Variants in CEP97 observed in about 807,000 individuals in gnomAD.
The protein encoded by CEP97 is centrosomal protein of 97 kDa.
A neutral mutation model predicts 73.1 loss-of-function variants in CEP97; 43 were observed. The observed-to-expected ratio is 0.59, with a 90% CI of 0.46 to 0.76. CEP97 has a LOEUF of 0.76. Ranked by LOEUF, CEP97 falls within the 30% of genes least tolerant of loss-of-function variation. CEP97 has a pLI of 0.00. For synonymous variants in CEP97, 337 were observed against 370.0 expected (o/e 0.91, Z 1.02); for missense variants, 939 against 1,014.0 (o/e 0.93, Z 1.00).
At chr3:101,737,220 G>C (rs964840461) in intron 6 of CEP97, among the ~76,000 whole-genome samples, 1 of 152,184 alleles carries the variant, frequency 6.6e-6, no homozygotes, top group African/African-American at 2.4e-5. Context: ...CGTTTTATTG[G>C]TGTACCTGAA....
At chr3:101,732,918 A>T in intron 6 of CEP97, among the ~76,000 whole-genome samples, 1 of 151,464 alleles carries the variant, frequency 6.6e-6, no homozygotes. Context: ...TGAGCCCAGG[A>T]GTTTGAGACC....
In CEP97 at chr3:101,758,119, CCTGAGTCAA is replaced by C. The variant is rs1463702760; in HGVS notation, c.1519_1527del (p.Ser507_Glu509del). On this transcript the variant is annotated inframe_deletion, in exon 9 of 11. Transcript: ENST00000341893. ...TGATAACCACAGTCTTACATTTTTTCCTGAGTCAACTGAGCAGAAACAATCAGACATAAA... is the reference window on the plus strand; with the variant it reads ...TGATAACCACAGTCTTACATTTTTTCCTGAGCAGAAACAATCAGACATAAA... The C allele has an allele frequency of 6.2e-7, 1 of 1,614,140 alleles. No homozygotes were observed. The highest frequency in any genetic ancestry group is 1.7e-5 in the Admixed American group (1 of 60,020).
chr3:101,751,429 C>T (rs900937452), intron 6 of CEP97, among the ~76,000 whole-genome samples: 1 of 152,110 alleles, frequency 6.6e-6, no homozygotes, highest in Non-Finnish European at 1.5e-5. Flanking sequence ...TCTATTAGGT[C>T]CGCTTGGTGC....
In CEP97 at chr3:101,757,204, A is replaced by C; in HGVS notation, c.1027+8A>C. 6.3e-7 allele frequency: 1 copy of C among 1,600,000 alleles called. No homozygotes were observed. Among genetic ancestry groups the C allele is most frequent in the Non-Finnish European group, 8.5e-7 (1 of 1,176,074 alleles). ...AGATATCCCAGGAAAGTGGTAAGAA[A>C]TGAATTTATCTCTGATCCCTTTTCT... On this transcript the variant is annotated splice_region_variant and intron_variant, in intron 8 of 10. Transcript: ENST00000341893.
chr3:101,734,731 T>A (rs182323664), intron 6 of CEP97, among the ~76,000 whole-genome samples: 1 of 152,348 alleles, frequency 6.6e-6, no homozygotes, highest in Admixed American at 6.5e-5. Flanking sequence ...TGACTAGTTC[T>A]AGATTTGGAA....
intron 6 of CEP97, among the ~76,000 whole-genome samples, chr3:101,748,294 A>G (rs1464406210): frequency 6.6e-6 from 1 of 151,656 alleles, no homozygotes; most frequent in Non-Finnish European, 1.5e-5. Flanking sequence ...TTTATTGATG[A>G]ATTCATGTGA....
intron 6 of CEP97, among the ~76,000 whole-genome samples, chr3:101,742,054 A>AAAC (rs1553789009): frequency 6.7e-6 from 1 of 149,042 alleles, no homozygotes. Context: ...AAAAAAAAAA[A>AAAC]CAAAAAAACA....
At position 101,750,350 on chromosome 3, in the gene CEP97, C is replaced by G. The variant is rs1183799302; in HGVS notation, c.729-5080C>G. 2.0e-5 allele frequency among the ~76,000 whole-genome samples: 3 copies of G among 151,062 alleles called. No homozygotes were observed. The Admixed American group carries it at 2.0e-4, about 10-fold the overall frequency. On this transcript the variant is annotated intron_variant, in intron 6 of 10. Coordinates refer to ENST00000341893, the MANE Select transcript of CEP97 (RefSeq NM_024548.4). The stretch of plus-strand genomic sequence containing the variant: ...GAGGGCTCTGTTCTGTTCCATTGAT[C>G]TATATCTCTGTTTTGGTACCAGTAC...
chr3:101,764,573 T>TG (rs1404561316), intron 10 of CEP97, among the ~76,000 whole-genome samples: 3 of 150,138 alleles, frequency 2.0e-5, no homozygotes, highest in Admixed American at 1.3e-4. Context: ...ATTGTGCCAT[T>TG]GCACTCCAGC....
intron 1 of CEP97, among the ~76,000 whole-genome samples, 169 bp downstream of exon 1, chr3:101,724,888 C>A (rs573895244): frequency 6.6e-6 from 1 of 152,240 alleles, no homozygotes; most frequent in Non-Finnish European, 1.5e-5. Context: ...GTTCACCTGC[C>A]GTTCCCAGCT....
At chr3:101,737,930 G>A (rs1337789148) in intron 6 of CEP97, among the ~76,000 whole-genome samples, 1 of 145,700 alleles carries the variant, frequency 6.9e-6, no homozygotes, top group Admixed American at 7.2e-5. Context: ...TTGGTGTGCT[G>A]CACTCAGGAG....
chr3:101,745,986 A>G (rs1938602305), intron 6 of CEP97, among the ~76,000 whole-genome samples: 1 of 151,934 alleles, frequency 6.6e-6, no homozygotes, highest in Non-Finnish European at 1.5e-5. Context: ...ATTCCCACCT[A>G]TGAGTGAGAA....
chr3:101,737,485 A>C (rs925185848), intron 6 of CEP97, among the ~76,000 whole-genome samples: 1 of 152,218 alleles, frequency 6.6e-6, no homozygotes, highest in Non-Finnish European at 1.5e-5. Flanking sequence ...ACTTAACAGC[A>C]GGTCTCTCTG....
intron 6 of CEP97, among the ~76,000 whole-genome samples, chr3:101,754,266 C>A (rs1388565783): frequency 6.6e-6 from 1 of 151,910 alleles, no homozygotes; most frequent in Non-Finnish European, 1.5e-5. Context: ...CATATCATTT[C>A]ACCTGTTAGT....
rs1937818304 is a variant in CEP97 at position 101,724,691 on chromosome 3, C to T, written c.15C>T (p.Arg5=). Residue 5 remains arginine (R), a synonymous_variant, in exon 1 of 11, where the codon CGC becomes CGT. Coordinates refer to ENST00000341893, the MANE Select transcript of CEP97 (RefSeq NM_024548.4). MAVA[R]VDAALPPGEG... is the part of the protein sequence containing the mutation. ...AAGCAGCAAATATGGCGGTGGCGCG[C>T]GTGGACGCGGCTTTGCCTCCCGGAG... is the stretch of plus-strand genomic sequence containing the variant. 3 of 1,614,086 alleles carry T rather than the reference C, an allele frequency of 1.9e-6. No individual in the cohort carries two copies. Among genetic ancestry groups the T allele is most frequent in the South Asian group, 2.2e-5 (2 of 91,082 alleles).
Position 101,732,503 on chromosome 3 carries a change from T to C in CEP97, c.577T>C (p.Ser193Pro). 1 of 1,607,660 alleles carries C rather than the reference T, an allele frequency of 6.2e-7. No homozygotes were observed. The highest frequency in any genetic ancestry group is 1.3e-5 in the African/African-American group (1 of 74,922). ...RDLNEISFLA[S>P]LTELEQLSIM... The stretch of plus-strand genomic sequence containing the variant: ...TTTGTTCCAGATCTCTTTTTTGGCA[T>C]CCTTAACTGAATTGGAACAGTTGTC... The change falls in exon 6 of 11, where the codon TCC becomes CCC. Residue 193 changes from serine (S) to proline (P), a missense_variant. Transcript: ENST00000341893.
At chr3:101,729,332 A>C (rs1200559936) in intron 4 of CEP97, among the ~76,000 whole-genome samples, 4 of 132,332 alleles carry the variant, frequency 3.0e-5, no homozygotes, top group Non-Finnish European at 3.3e-5. Flanking sequence ...AGTGAGACTC[A>C]GTCTCAAAAA....
Position 101,757,632 on chromosome 3 carries a change from A to G in CEP97, c.1028-2A>G. 1 of 1,610,814 alleles carries G rather than the reference A, an allele frequency of 6.2e-7. No individual in the cohort carries two copies. The highest frequency in any genetic ancestry group is 2.2e-5 in the East Asian group (1 of 44,852). ...TAAATGATACTCTGTTGATTCTTCT[A>G]GAACCCGTCATTCAAGTGAATTCTT... On this transcript the variant is annotated splice_acceptor_variant, in intron 8 of 10. Coordinates refer to ENST00000341893, the MANE Select transcript of CEP97 (RefSeq NM_024548.4). LOFTEE classifies it high-confidence loss of function.
chr3:101,724,824 T>A, intron 1 of CEP97, 105 bp downstream of exon 1: 1 of 1,202,512 alleles, frequency 8.3e-7, no homozygotes, highest in Admixed American at 1.9e-5. Flanking sequence ...GGACCAGTTC[T>A]TTTGATGCGG....
Sources: allele counts gnomAD v4.1 joint callset (sites outside exome capture counted in the v4.1 genomes callset), GRCh38; gene constraint gnomAD v4.1.1; transcripts MANE v1.5; gene names NCBI Gene and HGNC (gene_info 2026-07-23, HGNC 2026-07-21).